CDH13: variants seen among roughly 807,000 people sequenced by gnomAD.
CDH13 encodes the protein cadherin 13, also known as cadherin-13.
CDH13 carries 24 observed loss-of-function variants against 63.8 expected under a neutral mutation model. The ratio of observed to expected loss-of-function variants is 0.38; its 90% CI spans 0.27 to 0.53. CDH13 has a LOEUF of 0.53. Among genes scored for constraint, CDH13 ranks in the 20% least tolerant of loss-of-function variants. CDH13 has a pLI of 0.85. For missense variants in CDH13, 1,049 were observed against 903.1 expected (o/e 1.16, Z -2.07); for synonymous variants, 503 against 355.3 (o/e 1.42, Z -4.67).
At chr16:82,796,283 G>C (rs1217349839) in intron 1 of CDH13, among the ~76,000 whole-genome samples, 1 of 152,052 alleles carries the variant, frequency 6.6e-6, no homozygotes, top group Non-Finnish European at 1.5e-5. Context: ...GGGAGTATGG[G>C]GTACCTGGGA....
chr16:82,732,859 G>C (rs552520832), intron 1 of CDH13, among the ~76,000 whole-genome samples: 1 of 152,130 alleles, frequency 6.6e-6, no homozygotes. Context: ...TGAGGGTTCC[G>C]GATACCCATT....
chr16:83,105,933 G>A (rs2034741964), intron 3 of CDH13, among the ~76,000 whole-genome samples: 2 of 152,236 alleles, frequency 1.3e-5, no homozygotes, highest in African/African-American at 2.4e-5. Flanking sequence ...TCATGAGACA[G>A]TGTGGCATGT....
chr16:83,086,868 C>T (rs1277782407), intron 3 of CDH13, among the ~76,000 whole-genome samples: 3 of 152,086 alleles, frequency 2.0e-5, no homozygotes, highest in Non-Finnish European at 2.9e-5. Context: ...CAAAAAAATC[C>T]TATGAAGAAT....
chr16:83,260,596 G>C (rs1415141736), intron 5 of CDH13, among the ~76,000 whole-genome samples: 1 of 152,126 alleles, frequency 6.6e-6, no homozygotes, highest in Non-Finnish European at 1.5e-5. Context: ...CTGAGATTCT[G>C]CTCCCAGGTG....
intron 7 of CDH13, among the ~76,000 whole-genome samples, chr16:83,547,472 G>C (rs572264418): frequency 1.3e-3 from 195 of 152,108 alleles, no homozygotes; most frequent in Non-Finnish European, 1.6e-3. Context: ...CCTCAAGTAG[G>C]CCCTAGTGTG....
rs117519914 is a variant in CDH13 at position 83,189,806 on chromosome 16, C to T, written c.484-27539C>T. On this transcript the variant is annotated intron_variant, in intron 4 of 13. Coordinates refer to ENST00000567109, the MANE Select transcript of CDH13 (RefSeq NM_001257.5). ...TAATTCTAACCTTGAATTGTAGTTC[C>T]CATAATCCCCACACGTCACGGGAGG... Among the ~76,000 whole-genome samples the T allele has an allele frequency of 2.9e-3, 441 of 152,262 alleles. 18 individuals are homozygous for T. The East Asian group carries it at 0.082, about 28-fold the overall frequency.
chr16:83,520,456 G>A (rs1339367624), intron 7 of CDH13, among the ~76,000 whole-genome samples: 1 of 152,176 alleles, frequency 6.6e-6, no homozygotes, highest in Non-Finnish European at 1.5e-5. Context: ...ATATACTTAA[G>A]TGGGCTGCAG....
At chr16:83,085,965 C>T (rs1055534652) in intron 3 of CDH13, among the ~76,000 whole-genome samples, 2 of 152,196 alleles carry the variant, frequency 1.3e-5, no homozygotes, top group Non-Finnish European at 2.9e-5. Context: ...CAGCTCACAT[C>T]CTTTGCTGAG....
In CDH13 at chr16:83,602,540, C is replaced by T. The variant is rs1907951146; in HGVS notation, c.1047C>T (p.Ala349=). 2 of 1,613,992 alleles carry T rather than the reference C, an allele frequency of 1.2e-6. No individual in the cohort carries two copies. The highest frequency in any genetic ancestry group is 1.7e-6 in the Non-Finnish European group (2 of 1,179,864). Residue 349 remains alanine (A), a synonymous_variant, in exon 8 of 14, where the codon GCC becomes GCT. Transcript: ENST00000567109. ...LDVGLTGTAT[A]TIMIDDKNDH... ...TTGGATTAACAGGCACGGCCACAGCCACGATCATGATCGATGACAAAAATG... is the reference window on the plus strand; with the variant it reads ...TTGGATTAACAGGCACGGCCACAGCTACGATCATGATCGATGACAAAAATG...
chr16:82,767,967 G>A (rs1190605934), intron 1 of CDH13, among the ~76,000 whole-genome samples: 3 of 152,160 alleles, frequency 2.0e-5, no homozygotes, highest in African/African-American at 7.2e-5. Flanking sequence ...AAAGAGAAAC[G>A]AAGAGTGAGG....
rs1189334922 is a variant in CDH13, at chr16:83,734,245, G to A, written c.1539-13863G>A. Among the ~76,000 whole-genome samples, 4 of 152,184 alleles carry A rather than the reference G, an allele frequency of 2.6e-5. No homozygotes were observed. In the South Asian group the frequency reaches 6.2e-4, roughly 24 times the overall value. On this transcript the variant is annotated intron_variant, in intron 10 of 13. Transcript: ENST00000567109. ...TGGTTAAGATGTAATTGTTACCGAA[G>A]CACCAGGGGTTTGGTCTGGGTCCTG...
At chr16:83,080,954 T>A (rs1482606806) in intron 3 of CDH13, among the ~76,000 whole-genome samples, 2 of 135,334 alleles carry the variant, frequency 1.5e-5, no homozygotes, top group East Asian at 5.4e-4. Context: ...CAATCTTGGC[T>A]CACCGCAACC....
At chr16:83,463,280 T>C (rs1374188086) in intron 6 of CDH13, among the ~76,000 whole-genome samples, 1 of 152,184 alleles carries the variant, frequency 6.6e-6, no homozygotes, top group Non-Finnish European at 1.5e-5. Flanking sequence ...ATGGGCCAGC[T>C]TATGCTGTCA....
intron 5 of CDH13, among the ~76,000 whole-genome samples, chr16:83,298,184 A>G (rs2089648463): frequency 6.6e-6 from 1 of 152,108 alleles, no homozygotes; most frequent in African/African-American, 2.4e-5. Context: ...TCGAGGCTGT[A>G]GCGAGCAATG....
chr16:83,165,364 T>G (rs1308536828), intron 4 of CDH13, among the ~76,000 whole-genome samples: 1 of 151,724 alleles, frequency 6.6e-6, no homozygotes, highest in Non-Finnish European at 1.5e-5. Flanking sequence ...TTCTAAGATT[T>G]GTTGTAGCAA....
intron 3 of CDH13, among the ~76,000 whole-genome samples, chr16:83,040,505 A>G (rs967665446): frequency 1.4e-4 from 21 of 152,192 alleles, no homozygotes; most frequent in Non-Finnish European, 2.5e-4. Flanking sequence ...AAGCTGAAGA[A>G]CTTGGAGTGT....
At chr16:83,259,801 T>C (rs1232213096) in intron 5 of CDH13, among the ~76,000 whole-genome samples, 1 of 152,166 alleles carries the variant, frequency 6.6e-6, no homozygotes, top group Non-Finnish European at 1.5e-5. Context: ...GAGGTATCCA[T>C]GGCAGCTTAC....
chr16:83,508,969 A>G (rs2151600082), intron 7 of CDH13, among the ~76,000 whole-genome samples: 1 of 151,938 alleles, frequency 6.6e-6, no homozygotes, highest in South Asian at 2.1e-4. Context: ...ATAGGTGTGT[A>G]CATGCCATCA....
chr16:83,405,178 G>A (rs60739224), intron 6 of CDH13, among the ~76,000 whole-genome samples: 4,170 of 152,022 alleles, frequency 0.027, 81 homozygotes, highest in African/African-American at 0.051. Flanking sequence ...ATTCTTTCAG[G>A]AAAAAAGCAA....
Sources: gnomAD v4.1 joint callset for allele counts (sites outside exome capture counted in the v4.1 genomes callset) on GRCh38, gnomAD v4.1.1 for gene constraint, MANE v1.5 for transcripts, NCBI Gene and HGNC (gene_info 2026-07-23, HGNC 2026-07-21) for gene names.